Variants in MACROD2 observed in about 807,000 individuals in gnomAD.
The protein encoded by MACROD2 is mono-ADP ribosylhydrolase 2, also known as ADP-ribose glycohydrolase MACROD2.
MACROD2 carries 36 observed loss-of-function variants against 70.4 expected under a neutral mutation model. The ratio of observed to expected loss-of-function variants is 0.51; its 90% CI spans 0.39 to 0.68. The LOEUF (loss-of-function observed/expected upper bound fraction) is 0.68, where lower values mean the gene tolerates loss of function less well. Among genes scored for constraint, MACROD2 ranks in the 30% least tolerant of loss-of-function variants. The probability of loss-of-function intolerance (pLI) is 0.00; values close to 1 mark genes in which losing one functional copy is unlikely to be tolerated. For missense variants in MACROD2, 496 were observed against 538.4 expected, an observed-to-expected ratio of 0.92 and a Z score of 0.78; for synonymous variants, 172 against 178.8, an observed-to-expected ratio of 0.96 and a Z score of 0.30.
At chr20:14,922,789 ACAGT>A (rs1396116780) in intron 5 of MACROD2, among the ~76,000 whole-genome samples, 1 of 152,154 alleles carries the variant, frequency 6.6e-6, no homozygotes, top group African/African-American at 2.4e-5. Context: ...ATCTAATAAC[ACAGT>A]CAGTGAGATA....
intron 7 of MACROD2, among the ~76,000 whole-genome samples, chr20:15,476,570 G>GC (rs10596676): frequency 0.029 from 4,311 of 150,094 alleles, 76 homozygotes; most frequent in Non-Finnish European, 0.034. Context: ...TTGTTGTTTT[G>GC]CCCCCCCCCG....
intron 8 of MACROD2, among the ~76,000 whole-genome samples, chr20:15,846,084 G>A (rs929946066): frequency 6.6e-6 from 1 of 152,188 alleles, no homozygotes; most frequent in East Asian, 1.9e-4. Context: ...TTTAGGGTAA[G>A]AAACACTTTT....
chr20:14,628,314 AGAG>A (rs1367907436), intron 4 of MACROD2, among the ~76,000 whole-genome samples: 1 of 152,158 alleles, frequency 6.6e-6, no homozygotes, highest in Non-Finnish European at 1.5e-5. Flanking sequence ...AATGGATTAG[AGAG>A]GAGACCAGTT....
At chr20:15,723,919 C>T (rs1364928806) in intron 8 of MACROD2, among the ~76,000 whole-genome samples, 1 of 152,164 alleles carries the variant, frequency 6.6e-6, no homozygotes, top group Non-Finnish European at 1.5e-5. Context: ...ATGAATGAGA[C>T]TTTCTGTTGC....
At chr20:14,524,349 C>T (rs1227579299) in intron 4 of MACROD2, among the ~76,000 whole-genome samples, 1 of 152,216 alleles carries the variant, frequency 6.6e-6, no homozygotes, top group East Asian at 1.9e-4. Flanking sequence ...GTCTAATTCA[C>T]CCATTCCTTC....
chr20:15,457,024 G>A (rs1050406773), intron 7 of MACROD2, among the ~76,000 whole-genome samples: 1 of 148,974 alleles, frequency 6.7e-6, no homozygotes, highest in Non-Finnish European at 1.5e-5. Context: ...GGTATGAAAA[G>A]GGAATGCTAT....
chr20:15,833,747 T>G (rs6034298), intron 8 of MACROD2, among the ~76,000 whole-genome samples: 98,305 of 152,032 alleles, frequency 0.65, 31,990 homozygotes, highest in Middle Eastern at 0.72. Flanking sequence ...TCAGTGGAGA[T>G]CCCCAATACC....
chr20:14,155,441 A>G (rs1465530581), intron 3 of MACROD2, among the ~76,000 whole-genome samples: 1 of 152,212 alleles, frequency 6.6e-6, no homozygotes, highest in Non-Finnish European at 1.5e-5. Context: ...TATTTCACGT[A>G]TAGATTGATT....
chr20:14,380,462 AT>A (rs2083410823), intron 3 of MACROD2, among the ~76,000 whole-genome samples: 2 of 151,852 alleles, frequency 1.3e-5, no homozygotes, highest in South Asian at 4.1e-4. Flanking sequence ...TGCTTTTGTT[AT>A]CCTATCTGGT....
chr20:14,900,031 T>C (rs1292703338), intron 5 of MACROD2, among the ~76,000 whole-genome samples: 1 of 152,178 alleles, frequency 6.6e-6, no homozygotes, highest in Admixed American at 6.5e-5. Context: ...AAGGCTGCTG[T>C]ATTTTGTCAA....
chr20:15,694,881 A>C (rs1211836769), intron 8 of MACROD2, among the ~76,000 whole-genome samples: 1 of 152,036 alleles, frequency 6.6e-6, no homozygotes, highest in Non-Finnish European at 1.5e-5. Flanking sequence ...ATCCATCTTG[A>C]GTTGATTTTT....
chr20:14,472,436 A>G (rs1443771873), intron 3 of MACROD2, among the ~76,000 whole-genome samples: 2 of 152,186 alleles, frequency 1.3e-5, no homozygotes, highest in African/African-American at 4.8e-5. Context: ...TATATGTACT[A>G]CTAAGTGCAT....
In MACROD2 at chr20:14,876,713, C is replaced by T. The variant is rs553316313; in HGVS notation, c.418+191754C>T. ...GCCACTTATCCCAGCACCATTTATT[C>T]GGTAGGGAATCCTTTCTCTTAATGG... On this transcript the variant is annotated intron_variant, in intron 5 of 17. Coordinates refer to ENST00000684519, the MANE Select transcript of MACROD2 (RefSeq NM_001351661.2). 4.6e-5 allele frequency among the ~76,000 whole-genome samples: 7 copies of T among 152,152 alleles called. No homozygotes were observed. In the South Asian group the frequency reaches 8.3e-4, roughly 18 times the overall value.
chr20:14,206,826 C>T (rs2081527954), intron 3 of MACROD2, among the ~76,000 whole-genome samples: 1 of 151,846 alleles, frequency 6.6e-6, no homozygotes, highest in Non-Finnish European at 1.5e-5. Context: ...CCCATTATAT[C>T]AATTTTACCA....
chr20:15,121,386 A>T (rs745840896), intron 5 of MACROD2, among the ~76,000 whole-genome samples: 2 of 151,802 alleles, frequency 1.3e-5, no homozygotes, highest in African/African-American at 4.8e-5. Flanking sequence ...GGTGATGGAT[A>T]CCTGTAATCC....
At chr20:15,146,989 T>G (rs1176140368) in intron 5 of MACROD2, among the ~76,000 whole-genome samples, 1 of 152,148 alleles carries the variant, frequency 6.6e-6, no homozygotes, top group Admixed American at 6.5e-5. Flanking sequence ...TTTGTTCCAT[T>G]TATGGAGCAG....
At chr20:15,486,387 C>G (rs2047163817) in intron 7 of MACROD2, among the ~76,000 whole-genome samples, 1 of 152,154 alleles carries the variant, frequency 6.6e-6, no homozygotes, top group South Asian at 2.1e-4. Context: ...CCTTACTAAG[C>G]AAATAAGATA....
intron 5 of MACROD2, among the ~76,000 whole-genome samples, chr20:14,832,584 A>G (rs548373464): frequency 5.5e-4 from 83 of 152,084 alleles, no homozygotes; most frequent in Non-Finnish European, 1.0e-3. Flanking sequence ...GGGGTGCCCC[A>G]CTGGTCTCAA....
At chr20:15,047,556 T>C (rs1321446152) in intron 5 of MACROD2, among the ~76,000 whole-genome samples, 1 of 152,222 alleles carries the variant, frequency 6.6e-6, no homozygotes, top group Non-Finnish European at 1.5e-5. Flanking sequence ...AAGATCTATG[T>C]AGTTTTAATA....
Sources: gnomAD v4.1 joint callset for allele counts (sites outside exome capture counted in the v4.1 genomes callset) on GRCh38, gnomAD v4.1.1 for gene constraint, MANE v1.5 for transcripts, NCBI Gene and HGNC (gene_info 2026-07-23, HGNC 2026-07-21) for gene names.